Variants in KDM4A observed in about 807,000 individuals in gnomAD.
The protein encoded by KDM4A is lysine-specific demethylase 4A.
Under a neutral mutation model 127.1 loss-of-function variants are expected in KDM4A, and 23 were observed. The observed-to-expected ratio is 0.18, with a 90% CI of 0.13 to 0.26. KDM4A has a LOEUF of 0.26. Ranked by LOEUF, KDM4A falls within the 10% of genes least tolerant of loss-of-function variation. The pLI, the probability that KDM4A is intolerant of heterozygous loss-of-function variation, is 1.00. For missense variants in KDM4A, 890 were observed against 1,329.1 expected (o/e 0.67, Z 5.14); for synonymous variants, 443 against 466.5 (o/e 0.95, Z 0.65).
rs960758102 is a variant in KDM4A at position 43,704,505 on chromosome 1, C to G, written c.*135C>G. On this transcript the variant is annotated 3_prime_UTR_variant, in exon 22 of 22. Transcript: ENST00000372396. ...AAAAGGAATGAAATAACCGACCCATCATCTTCTCACCCACCCTCATTGCAT... is the reference window on the plus strand; with the variant it reads ...AAAAGGAATGAAATAACCGACCCATGATCTTCTCACCCACCCTCATTGCAT... 13 of 946,348 alleles carry G rather than the reference C, an allele frequency of 1.4e-5. No homozygotes were observed. The highest frequency in any genetic ancestry group is 2.4e-5 in the East Asian group (1 of 41,134). 58.6% of individuals were successfully genotyped at this position (946,348 alleles called of 1,614,324 possible).
intron 18 of KDM4A, among the ~76,000 whole-genome samples, chr1:43,696,443 T>C (rs376471802): frequency 2.0e-5 from 3 of 152,136 alleles, no homozygotes; most frequent in East Asian, 1.9e-4. Flanking sequence ...ACTCTGCCAT[T>C]TGGGGTTGCA....
chr1:43,660,881 T>C (rs1660359161), intron 4 of KDM4A, among the ~76,000 whole-genome samples: 1 of 152,162 alleles, frequency 6.6e-6, no homozygotes. Context: ...CTGCCTTAAA[T>C]ATGGTGAAAG....
chr1:43,692,172 G>A, intron 15 of KDM4A, 84 bp from the exon 16 acceptor site: 1 of 1,208,258 alleles, frequency 8.3e-7, no homozygotes, highest in African/African-American at 1.5e-5. Context: ...TGGAGGAGTT[G>A]CCCAAAGCAG....
Position 43,666,434 on chromosome 1 carries a change from AC to A in KDM4A, c.674-15del. The stretch of plus-strand genomic sequence containing the variant: ...AGTGTGGAGCACTGTGTTAACCTGT[AC>A]CCTTTCAATTAAATAGGCTTTTTCC... On this transcript the variant is annotated splice_polypyrimidine_tract_variant and intron_variant, in intron 6 of 21. Transcript: ENST00000372396. 1 of 1,603,986 alleles carries A rather than the reference AC, an allele frequency of 6.2e-7. No homozygotes were observed. Among genetic ancestry groups the A allele is most frequent in the Non-Finnish European group, 8.5e-7 (1 of 1,170,804 alleles).
At chr1:43,689,634 G>A (rs1661064014) in intron 13 of KDM4A, among the ~76,000 whole-genome samples, 1 of 152,002 alleles carries the variant, frequency 6.6e-6, no homozygotes, top group Admixed American at 6.5e-5. Flanking sequence ...CTGCTCTGGG[G>A]CATCTGTGGC....
At chr1:43,674,252 A>G (rs983597217) in intron 11 of KDM4A, among the ~76,000 whole-genome samples, 4 of 152,040 alleles carry the variant, frequency 2.6e-5, no homozygotes, top group African/African-American at 9.7e-5. Flanking sequence ...ACCGCCCCCC[A>G]GCTGTTAAAT....
Position 43,690,876 on chromosome 1 carries a change from G to A in KDM4A, c.2069G>A (p.Gly690Glu). The change falls in exon 14 of 22, where the codon GGA (glycine) becomes GAA (glutamate). Residue 690 changes from glycine to glutamate, a missense_variant. Coordinates refer to ENST00000372396, the MANE Select transcript of KDM4A (RefSeq NM_014663.3). ...TTTGGAGGCTTTAATCAGAACTGTG[G>A]AAATGCTTCAGATTTAGCCCCCCAG... ...VEFGGFNQNCGNASDLAPQKQ... is the reference protein window; with the variant it reads ...VEFGGFNQNCENASDLAPQKQ... The A allele has an allele frequency of 3.1e-6, 5 of 1,614,154 alleles. No individual in the cohort carries two copies. Among genetic ancestry groups the A allele is most frequent in the South Asian group, 1.1e-5 (1 of 91,088 alleles).
chr1:43,677,530 A>G (rs1294483142), intron 11 of KDM4A, among the ~76,000 whole-genome samples: 1 of 152,108 alleles, frequency 6.6e-6, no homozygotes, highest in South Asian at 2.1e-4. Context: ...CAAGGCCCAC[A>G]CCTTTGATTT....
At chr1:43,653,062 T>A (rs992554755) in intron 1 of KDM4A, 75 bp from the exon 2 acceptor site, 6 of 715,846 alleles carry the variant, frequency 8.4e-6, no homozygotes, top group African/African-American at 5.5e-5. Context: ...TATCTTTTAC[T>A]GTTTTCAGAG....
intron 4 of KDM4A, 94 bp from the exon 5 acceptor site, chr1:43,662,800 T>G (rs1660414625): frequency 1.9e-6 from 2 of 1,039,210 alleles, no homozygotes; most frequent in Non-Finnish European, 2.8e-6. Flanking sequence ...TTGTCAGAGA[T>G]GACAGCTTAC....
intron 5 of KDM4A, among the ~76,000 whole-genome samples, chr1:43,663,684 C>T (rs1055107814): frequency 1.3e-5 from 2 of 151,820 alleles, no homozygotes; most frequent in African/African-American, 4.8e-5. Context: ...AGTGCAGTGG[C>T]ACCATTATGG....
intron 6 of KDM4A, 120 bp downstream of exon 6, chr1:43,665,865 C>A: frequency 2.1e-6 from 2 of 967,884 alleles, no homozygotes; most frequent in Non-Finnish European, 1.6e-6. Context: ...GGCCTGCAGA[C>A]GGGGGTGAGC....
At chr1:43,659,052 T>C (rs1660313570) in intron 3 of KDM4A, among the ~76,000 whole-genome samples, 1 of 152,030 alleles carries the variant, frequency 6.6e-6, no homozygotes, top group Admixed American at 6.6e-5. Flanking sequence ...ATCCCATCAC[T>C]TTGGGAGGCC....
intron 11 of KDM4A, among the ~76,000 whole-genome samples, chr1:43,680,885 CAT>C (rs1228149439): frequency 1.3e-5 from 2 of 152,210 alleles, no homozygotes; most frequent in Non-Finnish European, 2.9e-5. Flanking sequence ...GTTAGAATAA[CAT>C]ATTCACAGGG....
At chr1:43,655,098 C>T (rs1189648886) in intron 2 of KDM4A, among the ~76,000 whole-genome samples, 2 of 152,192 alleles carry the variant, frequency 1.3e-5, no homozygotes, top group Non-Finnish European at 2.9e-5. Context: ...GATCCACCTG[C>T]CTCGGCCTCC....
intron 1 of KDM4A, among the ~76,000 whole-genome samples, chr1:43,652,703 C>T (rs1212949609): frequency 8.1e-6 from 1 of 123,816 alleles, no homozygotes; most frequent in Non-Finnish European, 1.6e-5. Context: ...TTTTTTGAGA[C>T]GGAGTTTCGC....
chr1:43,680,778 G>A (rs1447557882), intron 11 of KDM4A, among the ~76,000 whole-genome samples: 1 of 152,226 alleles, frequency 6.6e-6, no homozygotes, highest in African/African-American at 2.4e-5. Context: ...TCTGTTGTAA[G>A]CCCCATTGGG....
intron 19 of KDM4A, among the ~76,000 whole-genome samples, chr1:43,698,645 T>C (rs541731845): frequency 6.6e-6 from 1 of 152,282 alleles, no homozygotes; most frequent in Non-Finnish European, 1.5e-5. Flanking sequence ...AATGAAACCA[T>C]TTTTTCCTTT....
Position 43,688,843 on chromosome 1 carries a change from C to A in KDM4A, c.1856-71C>A. 7.1e-7 allele frequency: 1 copy of A among 1,405,070 alleles called. No homozygotes were observed. The highest frequency in any genetic ancestry group is 9.9e-7 in the Non-Finnish European group (1 of 1,010,312). 87.0% of individuals were successfully genotyped at this position (1,405,070 alleles called of 1,614,324 possible). On this transcript the variant is annotated intron_variant, in intron 12 of 21. Coordinates refer to ENST00000372396, the MANE Select transcript of KDM4A (RefSeq NM_014663.3). The surrounding 1 kb of genome is among the most constrained non-coding windows in gnomAD (Gnocchi z 4.4). ...TAGGATCAGGAGTCCTAGTGGAACT[C>A]ATCTGTTCTCCAGGCAGAGCCACAG...
Sources: gnomAD v4.1 joint callset for allele counts (sites outside exome capture counted in the v4.1 genomes callset) on GRCh38, gnomAD v4.1.1 for gene constraint, Gnocchi (gnomAD v3.1) non-coding constraint, MANE v1.5 for transcripts, NCBI Gene and HGNC (gene_info 2026-07-23, HGNC 2026-07-21) for gene names.